Variants in KLC2 observed in about 807,000 individuals in gnomAD.
The protein encoded by KLC2 is KLC 2.
A neutral mutation model predicts 75.1 loss-of-function variants in KLC2; 35 were observed. The observed-to-expected ratio is 0.47, with a 90% CI of 0.36 to 0.62. The LOEUF is 0.62. KLC2 is among the 20% of genes least tolerant of loss of function. The pLI, the probability that KLC2 is intolerant of heterozygous loss-of-function variation, is 0.00. For synonymous variants in KLC2, 314 were observed against 336.7 expected, an observed-to-expected ratio of 0.93 and a Z score of 0.74; for missense variants, 611 against 833.2, an observed-to-expected ratio of 0.73 and a Z score of 3.28.
the KLC2 span, among the ~76,000 whole-genome samples, chr11:66,246,479 G>A: frequency 2.2e-4 from 34 of 152,132 alleles, no homozygotes; most frequent in African/African-American, 7.5e-4. Context: ...TCCCATCCTC[G>A]GGGCCCATCC....
Position 66,264,137 on chromosome 11 carries a change from A to T in KLC2, c.1034A>T (p.Tyr345Phe). 1 of 1,593,162 alleles carries T rather than the reference A, an allele frequency of 6.3e-7. No individual in the cohort carries two copies. The highest frequency in any genetic ancestry group is 8.6e-7 in the Non-Finnish European group (1 of 1,169,252). ...CAGGGCAAAGCTGAGGAGGTGGAATATTACTATCGGCGGGCACTGGAGATC... is the reference window on the plus strand; with the variant it reads ...CAGGGCAAAGCTGAGGAGGTGGAATTTTACTATCGGCGGGCACTGGAGATC... ...QNQGKAEEVE[Y>F]YYRRALEIYA... is the part of the protein sequence containing the mutation. Residue 345 changes from tyrosine (Y) to phenylalanine (F), a missense_variant, in exon 8 of 16, where the codon TAT (tyrosine) becomes TTT (phenylalanine). By Grantham distance (22) the Tyr-to-Phe change is conservative. Coordinates refer to ENST00000394067, the MANE Select transcript of KLC2 (RefSeq NM_001318734.2).
In KLC2 at chr11:66,266,535, G is replaced by C. The variant is rs1463695682; in HGVS notation, c.1785+45G>C. 3 of 1,565,322 alleles carry C rather than the reference G, an allele frequency of 1.9e-6. No homozygotes were observed. In the East Asian group the frequency reaches 6.7e-5, roughly 35 times the overall value. On this transcript the variant is annotated intron_variant, in intron 15 of 15. Coordinates refer to ENST00000394067, the MANE Select transcript of KLC2 (RefSeq NM_001318734.2). ...TGGGCACTGGGCAGCTGCGGCCGGG[G>C]CTGCATGCGTGCTGCCAAGCTTCCC...
the KLC2 span, among the ~76,000 whole-genome samples, chr11:66,252,063 A>G: frequency 1.3e-5 from 2 of 152,276 alleles, no homozygotes; most frequent in South Asian, 2.1e-4. Flanking sequence ...GCTTGCTTCT[A>G]TTCAGTCTCT....
upstream of KLC2, among the ~76,000 whole-genome samples, chr11:66,254,130 G>C (rs1187510231): frequency 6.6e-6 from 1 of 152,160 alleles, no homozygotes; most frequent in Non-Finnish European, 1.5e-5. Context: ...GCTGAGGCAG[G>C]AGAATGGCGT....
the KLC2 span, among the ~76,000 whole-genome samples, chr11:66,249,370 G>T: frequency 6.6e-6 from 1 of 152,250 alleles, no homozygotes; most frequent in African/African-American, 2.4e-5. Context: ...GCCCACACTC[G>T]GGTGAGGTGT....
rs1856731227 is a variant in KLC2, at chr11:66,265,198, G to A, written c.1297G>A (p.Glu433Lys). Residue 433 changes from glutamate to lysine, a missense_variant, in exon 11 of 16, where the codon GAA becomes AAA. Transcript: ENST00000394067. ...GCGCCGGGACAGCGCCCCCTATGGGGAATACGGCAGCTGGTACAAGGCCTG... is the reference window on the plus strand; with the variant it reads ...GCGCCGGGACAGCGCCCCCTATGGGAAATACGGCAGCTGGTACAAGGCCTG... ...DKRRDSAPYG[E>K]YGSWYKACKV... 6 of 1,444,692 alleles carry A rather than the reference G, an allele frequency of 4.2e-6. No homozygotes were observed. Among genetic ancestry groups the A allele is most frequent in the South Asian group, 1.1e-5 (1 of 89,074 alleles). The allele number at this position is 1,444,692 out of a possible 1,614,324, so 89.5% of individuals were successfully genotyped here.
rs1255576081 is a variant in KLC2, at chr11:66,265,890, C to T, written c.1480C>T (p.Leu494=). 6.3e-7 allele frequency: 1 copy of T among 1,578,770 alleles called. No individual in the cohort carries two copies. Among genetic ancestry groups the T allele is most frequent in the African/African-American group, 1.3e-5 (1 of 74,310 alleles). Residue 494 remains leucine, a synonymous_variant, in exon 13 of 16, where the codon CTG becomes TTG. Coordinates refer to ENST00000394067, the MANE Select transcript of KLC2 (RefSeq NM_001318734.2). ...DPASQTKVVE[L]LKDGSGRRGD... ...CGCAAGCCAGACCAAGGTGGTAGAA[C>T]TGCTGAAAGATGGCAGTGGCAGGCG...
intron 4 of KLC2, 69 bp from the exon 5 acceptor site, chr11:66,262,745 C>A: frequency 8.4e-7 from 1 of 1,187,350 alleles, no homozygotes; most frequent in Non-Finnish European, 1.2e-6. Context: ...CTCAAAGGCA[C>A]AGCTGGCATG....
At position 66,267,478 on chromosome 11, in the gene KLC2, A is replaced by C. The variant is rs1323285882; in HGVS notation, c.*522A>C. 4 of 698,510 alleles carry C rather than the reference A, an allele frequency of 5.7e-6. No individual in the cohort carries two copies. In the South Asian group the frequency reaches 6.0e-5, roughly 11 times the overall value. 43.3% of individuals were successfully genotyped at this position (698,510 alleles called of 1,614,324 possible). A position where few individuals can be genotyped will look rare whatever the true frequency, so the allele number is the denominator to read the frequency against. ...TGCGGTGGTATCTCCCAGGCTCTAC[A>C]TTCTCGGGAGCGGCGCCTCCCAAGG... On this transcript the variant is annotated 3_prime_UTR_variant, in exon 16 of 16. Transcript: ENST00000394067.
At position 66,264,404 on chromosome 11, in the gene KLC2, C is replaced by T. The variant is rs139565281; in HGVS notation, c.1176C>T (p.Ile392=). The T allele has an allele frequency of 4.3e-5, 70 of 1,613,638 alleles. No homozygotes were observed. Among genetic ancestry groups the T allele is most frequent in the Non-Finnish European group, 5.3e-5 (63 of 1,179,858 alleles). Residue 392 remains isoleucine, a synonymous_variant, in exon 9 of 16, where the codon ATC becomes ATT. Transcript: ENST00000394067. ...YQDAETLYKE[I]LTRAHEKEFG... is the part of the protein sequence containing the mutation. ...ATGCGGAGACCTTGTACAAGGAGAT[C>T]CTCACCCGCGCTCATGAGAAAGAGT...
chr11:66,246,523 C>T, the KLC2 span, among the ~76,000 whole-genome samples: 3 of 152,138 alleles, frequency 2.0e-5, no homozygotes, highest in Non-Finnish European at 4.4e-5. Flanking sequence ...CTCCTACAGT[C>T]GCCCTCTCTC....
the KLC2 span, chr11:66,244,407 A>C: frequency 6.6e-6 from 1 of 152,446 alleles, no homozygotes; most frequent in South Asian, 2.1e-4. Context: ...CCGGGGTCTG[A>C]GCCCCTCATT....
Position 66,262,821 on chromosome 11 carries a change from C to G in KLC2, c.537C>G (p.Ser179Arg). The G allele has an allele frequency of 3.1e-6, 5 of 1,610,240 alleles. No homozygotes were observed. The highest frequency in any genetic ancestry group is 4.2e-6 in the Non-Finnish European group (5 of 1,178,666). ...PNEDEQSPAP[S>R]PGGGDVSGQH... ...CTGCCCTTGGCCCTGCAGCCCCTAGCCCAGGAGGAGGGGATGTGTCTGGTC... is the reference window on the plus strand; with the variant it reads ...CTGCCCTTGGCCCTGCAGCCCCTAGGCCAGGAGGAGGGGATGTGTCTGGTC... The change falls in exon 5 of 16, where the codon AGC becomes AGG. Residue 179 changes from serine (S) to arginine (R), a missense_variant. By Grantham distance (110) the Ser-to-Arg change is moderately radical. Transcript: ENST00000394067.
At chr11:66,252,553 G>A (rs181922300), upstream of KLC2, among the ~76,000 whole-genome samples, 28 of 152,272 alleles carry the variant, frequency 1.8e-4, no homozygotes, top group African/African-American at 4.3e-4. Context: ...GTGAGCCACC[G>A]TGCCCAGCCC....
Position 66,267,468 on chromosome 11 carries a change from C to A in KLC2, c.*512C>A. The A allele has an allele frequency of 1.4e-6, 1 of 711,702 alleles. No homozygotes were observed. The highest frequency in any genetic ancestry group is 1.5e-5 in the South Asian group (1 of 67,390). The allele number at this position is 711,702 out of a possible 1,614,324, so 44.1% of individuals were successfully genotyped here. On this transcript the variant is annotated 3_prime_UTR_variant, in exon 16 of 16. Transcript: ENST00000394067. ...CCCCATTCCGTGCGGTGGTATCTCC[C>A]AGGCTCTACATTCTCGGGAGCGGCG...
chr11:66,267,108 C>A lies in KLC2; in HGVS notation c.*152C>A. 1 of 1,529,870 alleles carries A rather than the reference C, an allele frequency of 6.5e-7. No homozygotes were observed. 94.8% of individuals were successfully genotyped at this position (1,529,870 alleles called of 1,614,324 possible). ...AGGGTAACCTTCTCCCTTGTCATCT[C>A]AGCCTGAGCCCTGGAGGCTGGGCCT... is the stretch of plus-strand genomic sequence containing the variant. On this transcript the variant is annotated 3_prime_UTR_variant, in exon 16 of 16. Transcript: ENST00000394067.
At chr11:66,251,362 G>A in the KLC2 span, among the ~76,000 whole-genome samples, 1 of 134,084 alleles carries the variant, frequency 7.5e-6, no homozygotes, top group East Asian at 2.0e-4. Flanking sequence ...CATAGTGGCG[G>A]GCACCTGTAA....
At position 66,267,591 on chromosome 11, in the gene KLC2, C is replaced by A; in HGVS notation, c.*635C>A. ...GCCCCGTGGCCCAGGACGGGGACCT[C>A]CCCTTAGTCCGTCCTCCCACCGCCG... On this transcript the variant is annotated 3_prime_UTR_variant, in exon 16 of 16. Transcript: ENST00000394067. The A allele has an allele frequency of 9.8e-6, 6 of 609,824 alleles. No homozygotes were observed. The highest frequency in any genetic ancestry group is 1.2e-5 in the Non-Finnish European group (4 of 338,762). 37.8% of individuals were successfully genotyped at this position (609,824 alleles called of 1,614,324 possible). A position where few individuals can be genotyped will look rare whatever the true frequency, so the allele number is the denominator to read the frequency against.
chr11:66,253,330 G>A (rs1006524642), upstream of KLC2, among the ~76,000 whole-genome samples: 15 of 152,274 alleles, frequency 9.9e-5, no homozygotes, highest in African/African-American at 3.6e-4. Context: ...CCACTTCAGA[G>A]AAAGGGAGGG....
Sources: allele counts gnomAD v4.1 joint callset (sites outside exome capture counted in the v4.1 genomes callset), GRCh38; gene constraint gnomAD v4.1.1; transcripts MANE v1.5; gene names NCBI Gene and HGNC (gene_info 2026-07-23, HGNC 2026-07-21).